Variants in USH2A observed in about 807,000 individuals in gnomAD.
The protein encoded by USH2A is Usher syndrome 2A (autosomal recessive, mild).
A neutral mutation model predicts 538.9 loss-of-function variants in USH2A; 443 were observed. The ratio of observed to expected loss-of-function variants is 0.82; its 90% confidence interval spans 0.76 to 0.89. USH2A has a LOEUF of 0.89. Among genes scored for constraint, USH2A ranks in the 40% least tolerant of loss-of-function variants. USH2A has a pLI of 0.00. For missense variants in USH2A, 6,633 were observed against 6,324.8 expected (o/e 1.05, Z -1.65); for synonymous variants, 2,413 against 2,273.5 (o/e 1.06, Z -1.75).
At chr1:215,766,322 C>T (rs1661127090) in intron 56 of USH2A, among the ~76,000 whole-genome samples, 1 of 152,152 alleles carries the variant, frequency 6.6e-6, no homozygotes, top group Admixed American at 6.5e-5. Flanking sequence ...ATCACTTCTA[C>T]TTGATTGTCA....
At chr1:216,048,491 C>A (rs942499941) in intron 31 of USH2A, 43 bp downstream of exon 31, 31 of 1,571,164 alleles carry the variant, frequency 2.0e-5, no homozygotes, top group Non-Finnish European at 2.6e-5. Flanking sequence ...TTTTATTATT[C>A]ATGACTGAAA....
At chr1:215,779,812 A>T (rs765481656) in intron 55 of USH2A, 31 bp downstream of exon 55, 1 of 1,610,234 alleles carries the variant, frequency 6.2e-7, no homozygotes, top group Non-Finnish European at 8.5e-7. Context: ...AGACTCCTCC[A>T]GTAGGATTTC....
At chr1:215,994,611 T>C (rs1668091481) in intron 34 of USH2A, among the ~76,000 whole-genome samples, 2 of 152,064 alleles carry the variant, frequency 1.3e-5, no homozygotes, top group South Asian at 4.1e-4. Context: ...AGCATGAAAA[T>C]TGCATTAAGA....
chr1:215,759,420 G>T (rs1660912156), intron 57 of USH2A, among the ~76,000 whole-genome samples: 1 of 151,964 alleles, frequency 6.6e-6, no homozygotes, highest in South Asian at 2.1e-4. Flanking sequence ...CATGTATTTT[G>T]TATATTTAAA....
intron 61 of USH2A, among the ~76,000 whole-genome samples, chr1:215,683,043 T>TTTTCTTCC (rs1658290507): frequency 6.6e-6 from 1 of 151,918 alleles, no homozygotes; most frequent in South Asian, 2.1e-4. Context: ...AAAATGTTTC[T>TTTTCTTCC]TTTCTTTCTT....
chr1:216,170,805 T>G (rs979949895), intron 21 of USH2A, among the ~76,000 whole-genome samples: 1 of 152,142 alleles, frequency 6.6e-6, no homozygotes, highest in African/African-American at 2.4e-5. Context: ...AGATTTACTC[T>G]GCATTCCTGA....
intron 19 of USH2A, among the ~76,000 whole-genome samples, chr1:216,191,712 T>C (rs1185776615): frequency 6.6e-6 from 1 of 151,990 alleles, no homozygotes; most frequent in Non-Finnish European, 1.5e-5. Context: ...ATTGCTGTAA[T>C]ATTCATCCCT....
Position 215,634,622 on chromosome 1 carries a change from A to T in USH2A, c.15134T>A (p.Val5045Glu). 6.2e-7 allele frequency: 1 copy of T among 1,614,214 alleles called. No homozygotes were observed. The highest frequency in any genetic ancestry group is 8.5e-7 in the Non-Finnish European group (1 of 1,180,036). The change falls in exon 70 of 72, where the codon GTG becomes GAG. Residue 5045 changes from valine to glutamate, a missense_variant. Physicochemically the swap from Val to Glu is moderately radical, Grantham distance 121 (BLOSUM62 -2). Transcript: ENST00000307340. ...TEFYSELWFI[V>E]LMAMLGLILL... The stretch of plus-strand genomic sequence containing the variant: ...GATCAAGCCCAGCATCGCCATTAAC[A>T]CTATGAACCACAGCTCGCTGTAGAA...
At chr1:215,963,811 C>G (rs1273676852) in intron 37 of USH2A, among the ~76,000 whole-genome samples, 1 of 152,094 alleles carries the variant, frequency 6.6e-6, no homozygotes, top group South Asian at 2.1e-4. Flanking sequence ...TACTGCAATA[C>G]TAACATGTAG....
chr1:215,644,741 AG>A (rs1168507526), intron 67 of USH2A, among the ~76,000 whole-genome samples: 6 of 152,228 alleles, frequency 3.9e-5, no homozygotes, highest in Admixed American at 2.0e-4. Flanking sequence ...AAACTTAGAA[AG>A]GGATTTTCAT....
intron 31 of USH2A, among the ~76,000 whole-genome samples, chr1:216,047,865 T>G (rs1339733563): frequency 6.6e-6 from 1 of 152,228 alleles, no homozygotes; most frequent in African/African-American, 2.4e-5. Flanking sequence ...TGTTATTTCT[T>G]GAAGTGATGC....
At position 215,775,593 on chromosome 1, in the gene USH2A, A is replaced by G. The variant is rs189035654; in HGVS notation, c.10939+4250T>C. On this transcript the variant is annotated intron_variant, in intron 55 of 71. Coordinates refer to ENST00000307340, the MANE Select transcript of USH2A (RefSeq NM_206933.4). ...GACAAGAGGAAAGGCTATTAGAATAAAATGTGATAATTACTACGAGAGCAA... is the reference window on the plus strand; with the variant it reads ...GACAAGAGGAAAGGCTATTAGAATAGAATGTGATAATTACTACGAGAGCAA... Among the ~76,000 whole-genome samples the G allele has an allele frequency of 3.9e-5, 6 of 152,338 alleles. No individual in the cohort carries two copies. The East Asian group carries it at 1.2e-3, about 29-fold the overall frequency.
chr1:215,879,585 C>T (rs550937330), intron 41 of USH2A, among the ~76,000 whole-genome samples: 4 of 152,082 alleles, frequency 2.6e-5, no homozygotes, highest in East Asian at 1.9e-4. Flanking sequence ...TCATATTTTC[C>T]GAAGATGCAA....
intron 67 of USH2A, among the ~76,000 whole-genome samples, chr1:215,646,082 C>A (rs1173599705): frequency 6.6e-6 from 1 of 151,866 alleles, no homozygotes; most frequent in Non-Finnish European, 1.5e-5. Flanking sequence ...GTATTTCAGC[C>A]ATATAGTAAA....
intron 19 of USH2A, among the ~76,000 whole-genome samples, chr1:216,193,619 G>A (rs1258165794): frequency 6.6e-6 from 1 of 152,024 alleles, no homozygotes; most frequent in Non-Finnish European, 1.5e-5. Flanking sequence ...TCCAATGACT[G>A]GTATTTTTAT....
intron 15 of USH2A, among the ~76,000 whole-genome samples, chr1:216,207,964 CA>C (rs1394863299): frequency 1.3e-5 from 2 of 150,272 alleles, no homozygotes; most frequent in Non-Finnish European, 2.9e-5. Flanking sequence ...TAAATATTAT[CA>C]AGAAACGATT....
In USH2A at chr1:215,759,740, CAATT is replaced by C; in HGVS notation, c.11147_11150del (p.Gln3716ArgfsTer33). 6.2e-7 allele frequency: 1 copy of C among 1,614,056 alleles called. No individual in the cohort carries two copies. Among genetic ancestry groups the C allele is most frequent in the Non-Finnish European group, 8.5e-7 (1 of 1,179,960 alleles). On this transcript the variant is annotated frameshift_variant, in exon 57 of 72. Transcript: ENST00000307340. LOFTEE classifies it high-confidence loss of function. Reference sequence around the variant, plus strand: ...GGAAAAGCAAGTTTCCATTACGACTCAATTGATATTGAGAAACGAGGCCATTGGG... The same window carrying C: ...GGAAAAGCAAGTTTCCATTACGACTCGATATTGAGAAACGAGGCCATTGGG...
intron 5 of USH2A, 144 bp downstream of exon 5, chr1:216,327,447 G>A: frequency 1.1e-6 from 1 of 936,432 alleles, no homozygotes; most frequent in Non-Finnish European, 1.7e-6. Flanking sequence ...CTAAGCCAAA[G>A]CAAACACTGT....
At chr1:215,750,726 T>A (rs1660600782) in intron 58 of USH2A, among the ~76,000 whole-genome samples, 1 of 152,310 alleles carries the variant, frequency 6.6e-6, no homozygotes, top group Admixed American at 6.5e-5. Flanking sequence ...AGACTTGGAC[T>A]CACACCCATG....
Sources: allele counts gnomAD v4.1 joint callset (sites outside exome capture counted in the v4.1 genomes callset), GRCh38; gene constraint gnomAD v4.1.1; transcripts MANE v1.5; gene names NCBI Gene and HGNC (gene_info 2026-07-23, HGNC 2026-07-21).